Variants in SVEP1 observed in about 807,000 individuals in gnomAD.
SVEP1 encodes the protein sushi, von Willebrand factor type A, EGF and pentraxin domain-containing protein 1.
A neutral mutation model predicts 367.3 loss-of-function variants in SVEP1; 164 were observed. That is an observed-to-expected ratio of 0.45 (90% CI 0.39 to 0.51). SVEP1 has a LOEUF of 0.51. SVEP1 is among the 20% of genes least tolerant of loss of function. The pLI is 0.00. For missense variants in SVEP1, 4,117 were observed against 4,425.3 expected, an observed-to-expected ratio of 0.93 and a Z score of 1.98; for synonymous variants, 1,666 against 1,611.6, an observed-to-expected ratio of 1.03 and a Z score of -0.81.
chr9:110,414,193 A>G (rs1406176915), intron 36 of SVEP1, among the ~76,000 whole-genome samples: 1 of 152,112 alleles, frequency 6.6e-6, no homozygotes, highest in Non-Finnish European at 1.5e-5. Context: ...TTAATTCATT[A>G]GTTATCAAAT....
intron 3 of SVEP1, among the ~76,000 whole-genome samples, chr9:110,530,526 G>GT (rs1830004430): frequency 6.6e-6 from 1 of 151,982 alleles, no homozygotes; most frequent in Non-Finnish European, 1.5e-5. Flanking sequence ...TCATACATCA[G>GT]TTTTTTGTTT....
At position 110,579,388 on chromosome 9, in the gene SVEP1, A is replaced by T; in HGVS notation, c.156T>A (p.Pro52=). 6.4e-7 allele frequency: 1 copy of T among 1,568,324 alleles called. No individual in the cohort carries two copies. The change falls in exon 1 of 48, where the codon CCT becomes CCA. Residue 52 remains proline (P), a synonymous_variant. Transcript: ENST00000374469. The surrounding 1 kb of genome is among the most constrained non-coding windows in gnomAD (Gnocchi z 5.3). ...CTCTGCTCCCCGCCGCTTCGTCGCC[A>T]GGAGCGGGCGGCGCGGGGATACTCC... ...APGSIPAPPA[P]GDEAAGSRVE... is the part of the protein sequence containing the mutation.
intron 14 of SVEP1, among the ~76,000 whole-genome samples, chr9:110,474,525 T>TG (rs1829071174): frequency 6.6e-6 from 1 of 152,166 alleles, no homozygotes; most frequent in Admixed American, 6.6e-5. Context: ...AATTGCCATT[T>TG]GGACCCTTAT....
intron 3 of SVEP1, among the ~76,000 whole-genome samples, chr9:110,520,908 T>C (rs1829868057): frequency 6.6e-6 from 1 of 152,230 alleles, no homozygotes; most frequent in Non-Finnish European, 1.5e-5. Context: ...CAAGGGTGCC[T>C]GTTTATGTGA....
chr9:110,393,217 G>A (rs1394281706), intron 40 of SVEP1, among the ~76,000 whole-genome samples: 5 of 151,996 alleles, frequency 3.3e-5, no homozygotes, highest in South Asian at 2.1e-4. Flanking sequence ...CATGAAGAAC[G>A]AGGTTTCAAA....
chr9:110,487,745 G>A (rs1465294056), intron 9 of SVEP1, among the ~76,000 whole-genome samples: 1 of 152,140 alleles, frequency 6.6e-6, no homozygotes, highest in East Asian at 1.9e-4. Context: ...GTAGGCACTA[G>A]ATCAAGTGGT....
intron 22 of SVEP1, among the ~76,000 whole-genome samples, chr9:110,455,130 T>C (rs79929463): frequency 0.041 from 6,268 of 152,204 alleles, 130 homozygotes; most frequent in Middle Eastern, 0.058. Flanking sequence ...TACACACACA[T>C]ATTCACACAC....
At position 110,479,691 on chromosome 9, in the gene SVEP1, C is replaced by T; in HGVS notation, c.2431G>A (p.Asp811Asn). The T allele has an allele frequency of 1.2e-6, 2 of 1,611,082 alleles. No individual in the cohort carries two copies. The highest frequency in any genetic ancestry group is 2.7e-5 in the African/African-American group (2 of 74,894). Residue 811 changes from aspartate to asparagine, a missense_variant, in exon 13 of 48, where the codon GAC becomes AAC. Physicochemically the swap from Asp to Asn is conservative, Grantham distance 23. Around this residue, in one of 4 missense-constraint regions of SVEP1, gnomAD observed 2,174 missense variants for 2,494.3 expected, o/e 0.87. Transcript: ENST00000374469. ...EMFYKAARCD[D>N]TDLMKKFSEA... ...GAAAACTTCTTCATCAGATCTGTGT[C>T]ATCACAACGAGCTGCTTTGTAGAAC...
chr9:110,447,904 C>G (rs1828627917), intron 24 of SVEP1, among the ~76,000 whole-genome samples: 1 of 151,864 alleles, frequency 6.6e-6, no homozygotes, highest in Non-Finnish European at 1.5e-5. Flanking sequence ...TTGAAATGAA[C>G]AAACCAAAGC....
In SVEP1 at chr9:110,546,010, C is replaced by T. The variant is rs543016458; in HGVS notation, c.964+105G>A. 373 of 1,364,718 alleles carry T rather than the reference C, an allele frequency of 2.7e-4. 9 individuals carry two copies. In the South Asian group the frequency reaches 4.2e-3, roughly 15 times the overall value. The allele number at this position is 1,364,718 out of a possible 1,614,324, so 84.5% of individuals were successfully genotyped here. On this transcript the variant is annotated intron_variant, in intron 3 of 47. Coordinates refer to ENST00000374469, the MANE Select transcript of SVEP1 (RefSeq NM_153366.4). ...CCAAAGAGATGTGCCACTGACCCCA[C>T]ACACTAATGAGCAATAACAAGCATG... is the stretch of plus-strand genomic sequence containing the variant.
chr9:110,570,467 C>CGTGTGTGTGTGT (rs59503025), intron 1 of SVEP1, among the ~76,000 whole-genome samples: 18,131 of 146,784 alleles, frequency 0.12, 1,240 homozygotes, highest in Middle Eastern at 0.24. Context: ...GTTTCTGTTG[C>CGTGTGTGTGTGT]GTGTGTGTGT....
chr9:110,531,623 C>G (rs563710697), intron 3 of SVEP1, among the ~76,000 whole-genome samples: 1 of 152,122 alleles, frequency 6.6e-6, no homozygotes, highest in African/African-American at 2.4e-5. Flanking sequence ...TCAATTAAAC[C>G]TCTTTCCATT....
intron 1 of SVEP1, among the ~76,000 whole-genome samples, chr9:110,572,934 C>A (rs1830583743): frequency 6.6e-6 from 1 of 151,260 alleles, no homozygotes; most frequent in African/African-American, 2.4e-5. Context: ...TCCACTTATA[C>A]TTCTAAAGTT....
intron 47 of SVEP1, 77 bp from the exon 48 acceptor site, chr9:110,366,637 T>C (rs1197711915): frequency 2.1e-6 from 3 of 1,420,746 alleles, no homozygotes; most frequent in Non-Finnish European, 2.8e-6. Flanking sequence ...TCTTTAGGAG[T>C]TGATGAAAAC....
chr9:110,467,623 C>G (rs1037336418), intron 17 of SVEP1, among the ~76,000 whole-genome samples: 8 of 148,860 alleles, frequency 5.4e-5, no homozygotes, highest in African/African-American at 2.0e-4. Context: ...TGGCATCTCC[C>G]CTGTCTTTTT....
chr9:110,406,736 A>G lies in SVEP1; in HGVS notation c.8864T>C (p.Leu2955Pro). ...KPVNCGPPED[L>P]AHGFPNGFSF... ...AAAACCATTAGGGAAACCATGGGCA[A>G]GATCTTCAGGAGGTCCACAGTTGAC... The change falls in exon 38 of 48, where the codon CTT becomes CCT. Residue 2955 changes from leucine to proline, a missense_variant. Leu to Pro is a moderately conservative substitution (Grantham distance 98). Around this residue, in one of 4 missense-constraint regions of SVEP1, gnomAD observed 1,765 missense variants for 1,781.1 expected, o/e 0.99. Transcript: ENST00000374469. The G allele has an allele frequency of 6.2e-7, 1 of 1,614,036 alleles. No individual in the cohort carries two copies. The highest frequency in any genetic ancestry group is 8.5e-7 in the Non-Finnish European group (1 of 1,179,896).
At chr9:110,484,530 G>T (rs1215802519) in intron 9 of SVEP1, among the ~76,000 whole-genome samples, 8 of 152,140 alleles carry the variant, frequency 5.3e-5, no homozygotes, top group Non-Finnish European at 8.8e-5. Flanking sequence ...GACATAGGCA[G>T]AGGCAAAGAT....
intron 46 of SVEP1, among the ~76,000 whole-genome samples, chr9:110,374,455 G>A (rs969911513): frequency 1.3e-5 from 2 of 152,158 alleles, no homozygotes; most frequent in African/African-American, 4.8e-5. Context: ...TTCAAGATCA[G>A]CCTGGCCAAC....
At chr9:110,416,143 A>G (rs1828117861) in intron 36 of SVEP1, among the ~76,000 whole-genome samples, 2 of 152,170 alleles carry the variant, frequency 1.3e-5, no homozygotes, top group South Asian at 4.1e-4. Context: ...TATAACACAC[A>G]CAAACATATT....
Sources: gnomAD v4.1 joint callset for allele counts (sites outside exome capture counted in the v4.1 genomes callset) on GRCh38, gnomAD v4.1.1 for gene constraint, gnomAD v4.1.1 regional missense constraint, Gnocchi (gnomAD v3.1) non-coding constraint, MANE v1.5 for transcripts, NCBI Gene and HGNC (gene_info 2026-07-23, HGNC 2026-07-21) for gene names.